Variants in LRR1 observed in about 807,000 individuals in gnomAD.
LRR1 encodes leucine-rich repeat protein 1.
LRR1 carries 29 observed loss-of-function variants against 31.6 expected under a neutral mutation model. The ratio of observed to expected loss-of-function variants is 0.92; its 90% CI spans 0.68 to 1.25. The LOEUF is 1.25. LRR1 is among the 50% of genes most tolerant of loss of function. The pLI is 0.00. For missense variants in LRR1, 485 were observed against 487.2 expected (o/e 1.00, Z 0.04); for synonymous variants, 179 against 181.4 (o/e 0.99, Z 0.10).
chr14:49,612,324 A>T, intron 3 of LRR1: 1 of 349,730 alleles, frequency 2.9e-6, no homozygotes, highest in Non-Finnish European at 4.2e-6. Context: ...AAGCTGTGAC[A>T]CCAAAACCTA....
intron 3 of LRR1, among the ~76,000 whole-genome samples, chr14:49,611,186 A>G (rs1357848586): frequency 1.3e-5 from 2 of 152,076 alleles, no homozygotes; most frequent in African/African-American, 2.4e-5. Flanking sequence ...AACATTTAAA[A>G]CATCTGAAGG....
intron 1 of LRR1, chr14:49,601,142 A>T (rs1882036196): frequency 1.2e-6 from 2 of 1,605,266 alleles, no homozygotes; most frequent in Non-Finnish European, 1.7e-6. Context: ...AATGTATGAG[A>T]TCAAAAAAGA....
Position 49,614,584 on chromosome 14 carries a change from A to G in LRR1, c.*88A>G. 6.5e-7 allele frequency: 1 copy of G among 1,532,838 alleles called. No individual in the cohort carries two copies. The allele number at this position is 1,532,838 out of a possible 1,614,324, so 95.0% of individuals were successfully genotyped here. A position where few individuals can be genotyped will look rare whatever the true frequency, so the allele number is the denominator to read the frequency against. ...CAGCGTCAAATTGGAGTAAGGGAAGATTTCTGTATACTTGCTGGAGAGGAG... is the reference window on the plus strand; with the variant it reads ...CAGCGTCAAATTGGAGTAAGGGAAGGTTTCTGTATACTTGCTGGAGAGGAG... On this transcript the variant is annotated 3_prime_UTR_variant, in exon 4 of 4. Coordinates refer to ENST00000298288, the MANE Select transcript of LRR1 (RefSeq NM_152329.4).
At chr14:49,599,237 GTTC>G in intron 1 of LRR1, 34 bp downstream of exon 1, 4 of 1,546,526 alleles carry the variant, frequency 2.6e-6, no homozygotes, top group Non-Finnish European at 3.5e-6. Flanking sequence ...TCAGTCTCGC[GTTC>G]TTCTTGGAAG....
intron 1 of LRR1, chr14:49,601,787 C>A: frequency 1.9e-6 from 1 of 517,028 alleles, no homozygotes; most frequent in Non-Finnish European, 3.1e-6. Flanking sequence ...CCACCACCAG[C>A]TAGATGAGGA....
chr14:49,601,514 A>C (rs930388137), intron 1 of LRR1: 5 of 805,784 alleles, frequency 6.2e-6, no homozygotes, highest in Non-Finnish European at 7.3e-6. Context: ...TTTTTTGAGC[A>C]CTCATTATGT....
chr14:49,604,139 C>CAA (rs770594061), intron 2 of LRR1, among the ~76,000 whole-genome samples: 14 of 119,450 alleles, frequency 1.2e-4, no homozygotes, highest in Admixed American at 2.7e-4. Flanking sequence ...CCTGTCTCCA[C>CAA]AAAAAAAAAA....
At position 49,614,478 on chromosome 14, in the gene LRR1, C is replaced by G; in HGVS notation, c.1227C>G (p.Ser409=). The G allele has an allele frequency of 1.9e-6, 3 of 1,613,716 alleles. No individual in the cohort carries two copies. Among genetic ancestry groups the G allele is most frequent in the Middle Eastern group, 1.7e-4 (1 of 6,058 alleles). ...GTTCTCTAGGCTGTTATGTTAATTC[C>G]TCTGATATGTTAAAGTAATGGGTGA... ...YFCSLGCYVN[S]SDMLK is the part of the protein sequence containing the mutation. The change falls in exon 4 of 4, where the codon TCC becomes TCG. Residue 409 remains serine, a synonymous_variant. Transcript: ENST00000298288.
At chr14:49,603,708 T>TTA (rs1566493035) in intron 2 of LRR1, 1 of 620,976 alleles carries the variant, frequency 1.6e-6, no homozygotes, top group Non-Finnish European at 1.8e-6. Context: ...TTTTTTTTTT[T>TTA]AATGAGACAG....
At position 49,609,675 on chromosome 14, in the gene LRR1, G is replaced by A. The variant is rs975971914; in HGVS notation, c.1004+1554G>A. Among the ~76,000 whole-genome samples, 8 of 151,752 alleles carry A rather than the reference G, an allele frequency of 5.3e-5. No individual in the cohort carries two copies. In the East Asian group the frequency reaches 9.7e-4, roughly 18 times the overall value. ...GCCCACTTTGGCCTCCCAAAGTGCC[G>A]GGATTACAGGTGTGAGCCACCGCGC... On this transcript the variant is annotated intron_variant, in intron 3 of 3. Transcript: ENST00000298288.
rs1360898457 is a variant in LRR1 at position 49,607,499 on chromosome 14, A to G, written c.382A>G (p.Thr128Ala). ...TPVSTLTPVK[T>A]SEFENFKTKM... ...AGTTTCAACGCTCACACCAGTGAAGACTTCAGAATTTGAAAACTTTAAAAC... is the reference window on the plus strand; with the variant it reads ...AGTTTCAACGCTCACACCAGTGAAGGCTTCAGAATTTGAAAACTTTAAAAC... Residue 128 changes from threonine (T) to alanine (A), a missense_variant, in exon 3 of 4, where the codon ACT becomes GCT. By Grantham distance (58) the Thr-to-Ala change is moderately conservative. Coordinates refer to ENST00000298288, the MANE Select transcript of LRR1 (RefSeq NM_152329.4). 6.2e-7 allele frequency: 1 copy of G among 1,614,032 alleles called. No individual in the cohort carries two copies. The highest frequency in any genetic ancestry group is 8.5e-7 in the Non-Finnish European group (1 of 1,180,022).
rs183790728 is a variant in LRR1, at chr14:49,603,262, A to G, written c.282+794A>G. Among the ~76,000 whole-genome samples the G allele has an allele frequency of 1.6e-3, 250 of 152,286 alleles. 1 individual carries two copies. Among genetic ancestry groups the G allele is most frequent in the Non-Finnish European group, 3.1e-3 (213 of 68,020 alleles). ...CAATGGCACAAGAGGCAGCTTCCCA[A>G]ATATGCTTGTGTGCCTTCTAAAAGG... On this transcript the variant is annotated intron_variant, in intron 2 of 3. Coordinates refer to ENST00000298288, the MANE Select transcript of LRR1 (RefSeq NM_152329.4).
chr14:49,601,816 T>TAAAA (rs11319854), intron 1 of LRR1, among the ~76,000 whole-genome samples: 2 of 90,742 alleles, frequency 2.2e-5, no homozygotes, highest in African/African-American at 4.3e-5. Context: ...TCCCAACTGC[T>TAAAA]AAAAAAAAAA....
intron 1 of LRR1, 44 bp downstream of exon 1, chr14:49,599,247 G>A: frequency 2.0e-6 from 3 of 1,525,700 alleles, no homozygotes. Flanking sequence ...GTTCTTCTTG[G>A]AAGCCGAGAC....
chr14:49,598,962 G>A lies in LRR1; in HGVS notation c.-59G>A, dbSNP rs983830782. ...CGCGAGGACCCCGATGGCGGCGCCG[G>A]GTGGCGGGAAGGAGGAAGTTTCAAA... On this transcript the variant is annotated 5_prime_UTR_variant, in exon 1 of 4. Coordinates refer to ENST00000298288, the MANE Select transcript of LRR1 (RefSeq NM_152329.4). 3.3e-6 allele frequency: 5 copies of A among 1,537,470 alleles called. No homozygotes were observed. In the Admixed American group the frequency reaches 8.0e-5, roughly 25 times the overall value.
chr14:49,601,685 A>G, intron 1 of LRR1: 1 of 1,289,626 alleles, frequency 7.8e-7, no homozygotes, highest in African/African-American at 1.5e-5. Context: ...TCCTACAGTT[A>G]CATAGTTGGA....
rs775907122 is a variant in LRR1, at chr14:49,607,427, C to T, written c.310C>T (p.Leu104Phe). The change falls in exon 3 of 4, where the codon CTT (leucine) becomes TTT (phenylalanine). Residue 104 changes from leucine to phenylalanine, a missense_variant. This residue lies in a region of LRR1 where 260 missense variants were observed against 249.6 expected (regional missense o/e 1.04). Transcript: ENST00000298288. ...KAISSSLKGFLSAMRLAHRGC... is the reference protein window; with the variant it reads ...KAISSSLKGFFSAMRLAHRGC... Reference sequence around the variant, plus strand: ...CATTTCCAGCAGTTTAAAAGGTTTCCTTTCAGCTATGAGACTGGCTCATAG... The same window carrying T: ...CATTTCCAGCAGTTTAAAAGGTTTCTTTTCAGCTATGAGACTGGCTCATAG... 1 of 1,582,476 alleles carries T rather than the reference C, an allele frequency of 6.3e-7. No homozygotes were observed. The highest frequency in any genetic ancestry group is 2.2e-5 in the East Asian group (1 of 44,618).
intron 3 of LRR1, among the ~76,000 whole-genome samples, chr14:49,609,484 A>C (rs1346757039): frequency 2.0e-5 from 3 of 148,856 alleles, no homozygotes; most frequent in Non-Finnish European, 4.4e-5. Context: ...GGCTCACTGC[A>C]ACCTCTGCTT....
intron 3 of LRR1, chr14:49,612,439 A>G: frequency 1.7e-6 from 2 of 1,192,074 alleles, no homozygotes; most frequent in Non-Finnish European, 2.1e-6. Flanking sequence ...TAGAAAATAC[A>G]GTTTTTAACT....
Sources: allele counts gnomAD v4.1 joint callset (sites outside exome capture counted in the v4.1 genomes callset), GRCh38; gene constraint gnomAD v4.1.1; regional missense constraint gnomAD v4.1.1; transcripts MANE v1.5; gene names NCBI Gene and HGNC (gene_info 2026-07-23, HGNC 2026-07-21).